Variants in ZFHX3 observed in about 807,000 individuals in gnomAD.
ZFHX3 encodes zinc finger homeobox 3.
Under a neutral mutation model 279.1 loss-of-function variants are expected in ZFHX3, and 42 were observed. The observed-to-expected ratio is 0.15, with a 90% CI of 0.12 to 0.19. ZFHX3 has a LOEUF of 0.19. Ranked by LOEUF, ZFHX3 falls within the 10% of genes least tolerant of loss-of-function variation. ZFHX3 has a pLI of 1.00. For synonymous variants in ZFHX3, 2,293 were observed against 1,957.8 expected (o/e 1.17, Z -4.52); for missense variants, 4,981 against 4,754.0 (o/e 1.05, Z -1.40).
chr16:73,699,218 T>C (rs1350859946), intron 1 of ZFHX3, among the ~76,000 whole-genome samples: 1 of 152,260 alleles, frequency 6.6e-6, no homozygotes, highest in East Asian at 1.9e-4. Flanking sequence ...TTTACCACAA[T>C]TATGCAAGAT....
chr16:72,980,293 T>A lies in ZFHX3; in HGVS notation c.-49-20099A>T, dbSNP rs185492777. On this transcript the variant is annotated intron_variant, in intron 1 of 9. Coordinates refer to ENST00000268489, the MANE Select transcript of ZFHX3 (RefSeq NM_006885.4). ...GGATGGGTAGGGGCTCACATGGACG[T>A]TGGGGAAGGAGGAGAACTGTTCTAG... Among the ~76,000 whole-genome samples the A allele has an allele frequency of 2.1e-3, 318 of 152,104 alleles. 1 individual carries two copies. The highest frequency in any genetic ancestry group is 7.3e-3 in the African/African-American group (304 of 41,472).
At chr16:72,878,075 T>C (rs2038361836) in intron 4 of ZFHX3, among the ~76,000 whole-genome samples, 1 of 151,970 alleles carries the variant, frequency 6.6e-6, no homozygotes, top group Non-Finnish European at 1.5e-5. Context: ...CTGTGCTACT[T>C]GGAAGACTGA....
rs1221282443 is a variant in ZFHX3, at chr16:73,483,345, G to GAGACAA, written c.-1546-27088_-1546-27087insTTGTCT. On this transcript the variant is annotated intron_variant, in intron 2 of 17. Coordinates refer to the ZFHX3 transcript ENST00000641206. Reference sequence around the variant, plus strand: ...AGCGAGCGAGTGAGAGACAGAGAGAGAGAGAAAGAGAGAGAGAGAGAGAGT... The same window carrying GAGACAA: ...AGCGAGCGAGTGAGAGACAGAGAGAGAGACAAAGAGAAAGAGAGAGAGAGAGAGAGT... 2,129 of 410,642 alleles carry GAGACAA rather than the reference G, an allele frequency of 5.2e-3. 25 individuals are homozygous for GAGACAA. Among genetic ancestry groups the GAGACAA allele is most frequent in the African/African-American group, 0.052 (1,761 of 34,184 alleles). The allele number at this position is 410,642 out of a possible 1,614,324, so 25.4% of individuals were successfully genotyped here.
chr16:72,917,521 T>C (rs866151624), intron 3 of ZFHX3, among the ~76,000 whole-genome samples: 11 of 152,226 alleles, frequency 7.2e-5, no homozygotes, highest in Admixed American at 1.3e-4. Context: ...AGTAACTAAA[T>C]TGCAGCACCT....
At chr16:73,585,274 G>A (rs1424699486) in intron 2 of ZFHX3, among the ~76,000 whole-genome samples, 1 of 152,146 alleles carries the variant, frequency 6.6e-6, no homozygotes, top group Non-Finnish European at 1.5e-5. Context: ...AAATTATCTG[G>A]GTGTGGTGGC....
At chr16:73,453,852 G>T (rs1001535577) in intron 3 of ZFHX3, among the ~76,000 whole-genome samples, 5 of 152,156 alleles carry the variant, frequency 3.3e-5, no homozygotes, top group Non-Finnish European at 7.4e-5. Flanking sequence ...CAGGTCTTGT[G>T]AGACTTATTC....
intron 1 of ZFHX3, among the ~76,000 whole-genome samples, chr16:73,687,011 A>AATATCTATAT (rs2053092613): frequency 1.9e-5 from 1 of 53,230 alleles, no homozygotes; most frequent in Non-Finnish European, 3.5e-5. Context: ...TTTGCAGCTA[A>AATATCTATAT]ATATATATAT....
chr16:73,390,868 C>A lies in ZFHX3; in HGVS notation c.-1291+65135G>T, dbSNP rs72799440. 2.7e-3 allele frequency among the ~76,000 whole-genome samples: 409 copies of A among 152,224 alleles called. 1 individual carries two copies. The highest frequency in any genetic ancestry group is 4.5e-3 in the Non-Finnish European group (309 of 68,022). ...TTTTAAAAAAAATCATTAAACAACCCCCCCAAAAGAGGGCTCAATGAGGTC... is the reference window on the plus strand; with the variant it reads ...TTTTAAAAAAAATCATTAAACAACCACCCCAAAAGAGGGCTCAATGAGGTC... On this transcript the variant is annotated intron_variant, in intron 3 of 17. Transcript: ENST00000641206.
intron 3 of ZFHX3, among the ~76,000 whole-genome samples, chr16:72,909,573 A>G (rs1205512125): frequency 1.3e-5 from 2 of 152,150 alleles, no homozygotes; most frequent in Non-Finnish European, 2.9e-5. Context: ...AGTTTCTTAC[A>G]ATTTTTGAAA....
intron 1 of ZFHX3, among the ~76,000 whole-genome samples, chr16:73,722,685 T>A (rs1420552147): frequency 1.3e-5 from 2 of 152,102 alleles, no homozygotes; most frequent in African/African-American, 4.8e-5. Flanking sequence ...ATATAAACCA[T>A]GACACATTTA....
intron 5 of ZFHX3, among the ~76,000 whole-genome samples, chr16:73,209,421 G>T (rs1486674622): frequency 6.6e-6 from 1 of 152,188 alleles, no homozygotes; most frequent in Non-Finnish European, 1.5e-5. Flanking sequence ...TGTCTGGTGA[G>T]AGCCTGGTCA....
intron 1 of ZFHX3, among the ~76,000 whole-genome samples, chr16:73,756,624 G>C (rs2053811797): frequency 1.3e-5 from 2 of 152,254 alleles, no homozygotes; most frequent in South Asian, 4.1e-4. Context: ...AATTAGGTTA[G>C]CTGAATCAGA....
intron 3 of ZFHX3, among the ~76,000 whole-genome samples, chr16:73,333,966 G>T (rs999121178): frequency 1.3e-5 from 2 of 152,160 alleles, no homozygotes; most frequent in South Asian, 2.1e-4. Flanking sequence ...GCAGTCTCAG[G>T]TAAGTCTAGT....
At chr16:73,743,954 C>A (rs1302369352) in intron 1 of ZFHX3, among the ~76,000 whole-genome samples, 1 of 152,094 alleles carries the variant, frequency 6.6e-6, no homozygotes, top group Non-Finnish European at 1.5e-5. Flanking sequence ...CATTAAGGAT[C>A]CAGAATGACA....
chr16:73,282,327 T>C (rs1263944895), intron 4 of ZFHX3, among the ~76,000 whole-genome samples: 1 of 152,228 alleles, frequency 6.6e-6, no homozygotes. Flanking sequence ...TTTTTCTTTG[T>C]TTTCAAGGTT....
chr16:73,862,890 C>T (rs767736940), intron 1 of ZFHX3, among the ~76,000 whole-genome samples: 1 of 152,098 alleles, frequency 6.6e-6, no homozygotes, highest in African/African-American at 2.4e-5. Context: ...CCAGAAGATT[C>T]GTGGTTCATA....
At chr16:73,741,790 G>A (rs1395132717) in intron 1 of ZFHX3, among the ~76,000 whole-genome samples, 1 of 152,144 alleles carries the variant, frequency 6.6e-6, no homozygotes, top group Admixed American at 6.5e-5. Context: ...GAAACTAGGA[G>A]GGAGAGGAAA....
intron 6 of ZFHX3, among the ~76,000 whole-genome samples, chr16:73,139,098 TGAGAC>T (rs1966839519): frequency 6.6e-6 from 1 of 152,156 alleles, no homozygotes; most frequent in Non-Finnish European, 1.5e-5. Context: ...TTTATCCTAA[TGAGAC>T]GAGACAGATT....
At chr16:73,653,225 G>C (rs1056424046) in intron 2 of ZFHX3, among the ~76,000 whole-genome samples, 2 of 152,110 alleles carry the variant, frequency 1.3e-5, no homozygotes, top group Non-Finnish European at 2.9e-5. Context: ...TAAATAACAT[G>C]ATTAACAAAC....
Sources: gnomAD v4.1 joint callset for allele counts (sites outside exome capture counted in the v4.1 genomes callset) on GRCh38, gnomAD v4.1.1 for gene constraint, MANE v1.5 for transcripts, NCBI Gene and HGNC (gene_info 2026-07-23, HGNC 2026-07-21) for gene names.